The following ABTB3 variants were observed in gnomAD, a reference collection of about 807,000 sequenced individuals.
ABTB3 encodes ankyrin repeat and BTB domain containing 3, also known as ankyrin repeat- and BTB/POZ domain-containing protein 3.
chr12:107,581,069 G>A, the ABTB3 span: 3 of 1,540,796 alleles, frequency 1.9e-6, no homozygotes, highest in Non-Finnish European at 2.6e-6. Flanking sequence ...GGATCCCCGC[G>A]AGCAGGGGGT....
chr12:107,600,122 A>G, the ABTB3 span, among the ~76,000 whole-genome samples: 12 of 152,180 alleles, frequency 7.9e-5, no homozygotes, highest in Middle Eastern at 3.2e-3. Flanking sequence ...CCTCATCTAT[A>G]AAACAGGGAC....
the ABTB3 span, among the ~76,000 whole-genome samples, chr12:107,459,240 G>A: frequency 1.3e-5 from 2 of 152,222 alleles, no homozygotes; most frequent in Non-Finnish European, 2.9e-5. Context: ...ATGCTAGTCA[G>A]TGAGGGATCA....
At chr12:107,466,931 G>A in the ABTB3 span, among the ~76,000 whole-genome samples, 1 of 152,230 alleles carries the variant, frequency 6.6e-6, no homozygotes, top group Admixed American at 6.5e-5. Flanking sequence ...GGCACAGCAT[G>A]TTCACCATAT....
chr12:107,633,927 C>T, the ABTB3 span, among the ~76,000 whole-genome samples: 1 of 152,202 alleles, frequency 6.6e-6, no homozygotes, highest in Non-Finnish European at 1.5e-5. Flanking sequence ...TGATGCTGGT[C>T]CAGGGACCAC....
chr12:107,573,445 G>A, the ABTB3 span, among the ~76,000 whole-genome samples: 1 of 151,418 alleles, frequency 6.6e-6, no homozygotes, highest in African/African-American at 2.4e-5. Flanking sequence ...TGAATGGATG[G>A]GTGGCTGGGT....
chr12:107,377,947 C>T, the ABTB3 span, among the ~76,000 whole-genome samples: 2 of 152,068 alleles, frequency 1.3e-5, no homozygotes, highest in African/African-American at 4.8e-5. Context: ...ACTTGACGCT[C>T]AAGAAGGGTG....
the ABTB3 span, among the ~76,000 whole-genome samples, chr12:107,490,192 C>A: frequency 0.051 from 7,724 of 152,158 alleles, 286 homozygotes; most frequent in East Asian, 0.19. Flanking sequence ...TTTAGTTCCA[C>A]TCCACCGCCC....
chr12:107,445,863 T>TCCCTCTCCCCTCTC, the ABTB3 span, among the ~76,000 whole-genome samples: 848 of 106,074 alleles, frequency 8.0e-3, 2 homozygotes, highest in East Asian at 0.028. Flanking sequence ...TCTCCAAATC[T>TCCCTCTCCCCTCTC]CCCTCTCCCC....
chr12:107,539,256 T>G, the ABTB3 span, among the ~76,000 whole-genome samples: 1 of 152,096 alleles, frequency 6.6e-6, no homozygotes, highest in African/African-American at 2.4e-5. Flanking sequence ...TTAAAAACAT[T>G]GTCTCAGTGC....
the ABTB3 span, chr12:107,657,899 T>A: frequency 1.6e-6 from 1 of 642,232 alleles, no homozygotes; most frequent in Non-Finnish European, 2.7e-6. Context: ...GCAGATCAGA[T>A]CAGCTGGGTC....
the ABTB3 span, chr12:107,612,717 T>C: frequency 1.3e-4 from 185 of 1,424,840 alleles, no homozygotes; most frequent in Admixed American, 2.2e-4. Flanking sequence ...CCATTTGTTA[T>C]TGTCGATTGA....
At chr12:107,529,049 A>AGAT in the ABTB3 span, among the ~76,000 whole-genome samples, 17 of 144,150 alleles carry the variant, frequency 1.2e-4, no homozygotes, top group African/African-American at 4.2e-4. Flanking sequence ...ATGATGATGG[A>AGAT]GATGATGATG....
At chr12:107,502,696 C>A in the ABTB3 span, among the ~76,000 whole-genome samples, 2 of 152,028 alleles carry the variant, frequency 1.3e-5, no homozygotes, top group African/African-American at 4.8e-5. Flanking sequence ...ACCTGAGTGC[C>A]GCCTCCTGTC....
At chr12:107,499,217 AAC>A in the ABTB3 span, among the ~76,000 whole-genome samples, 1 of 152,120 alleles carries the variant, frequency 6.6e-6, no homozygotes, top group Non-Finnish European at 1.5e-5. Flanking sequence ...GGTTCTAAAT[AAC>A]ACAGTACAAA....
the ABTB3 span, among the ~76,000 whole-genome samples, chr12:107,470,861 C>T: frequency 1.3e-5 from 2 of 152,070 alleles, no homozygotes; most frequent in African/African-American, 2.4e-5. Context: ...GGGGCCAGCC[C>T]GACACCTCAC....
At chr12:107,469,998 TTCTTTCTTTCTTTC>T in the ABTB3 span, among the ~76,000 whole-genome samples, 28 of 61,302 alleles carry the variant, frequency 4.6e-4, 3 homozygotes, top group African/African-American at 1.6e-3. Context: ...CTTTCTTTCT[TTCTTTCTTTCTTTC>T]TCTCTCTCTC....
At chr12:107,320,908 C>T in the ABTB3 span, among the ~76,000 whole-genome samples, 1 of 152,256 alleles carries the variant, frequency 6.6e-6, no homozygotes, top group South Asian at 2.1e-4. Context: ...TCGTTTCCAG[C>T]AGGTTCTATC....
chr12:107,570,772 CT>C, the ABTB3 span, among the ~76,000 whole-genome samples: 3 of 152,298 alleles, frequency 2.0e-5, no homozygotes, highest in South Asian at 2.1e-4. Flanking sequence ...GCTCCTCCCC[CT>C]GCCTCTCTCT....
chr12:107,450,274 G>T, the ABTB3 span, among the ~76,000 whole-genome samples: 1 of 152,098 alleles, frequency 6.6e-6, no homozygotes, highest in Non-Finnish European at 1.5e-5. Context: ...TATTGTAGGG[G>T]CAAGGGAAAG....
Sources: allele counts gnomAD v4.1 joint callset (sites outside exome capture counted in the v4.1 genomes callset), GRCh38; gene constraint gnomAD v4.1.1; transcripts MANE v1.5; gene names NCBI Gene and HGNC (gene_info 2026-07-23, HGNC 2026-07-21).